Variants in CDK14 observed in about 807,000 individuals in gnomAD.
CDK14 encodes cyclin dependent kinase 14, also known as cyclin-dependent kinase 14.
CDK14 carries 34 observed loss-of-function variants against 60.7 expected under a neutral mutation model. That is an observed-to-expected ratio of 0.56 (90% CI 0.43 to 0.75). The LOEUF (loss-of-function observed/expected upper bound fraction) is 0.75. CDK14 is among the 30% of genes least tolerant of loss of function. The pLI is 0.00. For missense variants in CDK14, 482 were observed against 564.1 expected, an observed-to-expected ratio of 0.85 and a Z score of 1.47; for synonymous variants, 197 against 203.7, an observed-to-expected ratio of 0.97 and a Z score of 0.28.
chr7:90,995,227 T>C (rs377750979), intron 10 of CDK14, among the ~76,000 whole-genome samples: 1 of 152,190 alleles, frequency 6.6e-6, no homozygotes, highest in East Asian at 1.9e-4. Flanking sequence ...GGAAGCCAGC[T>C]GCCATGTTAC....
chr7:90,765,789 T>G (rs1804532503), intron 4 of CDK14, among the ~76,000 whole-genome samples: 1 of 152,074 alleles, frequency 6.6e-6, no homozygotes, highest in Admixed American at 6.5e-5. Flanking sequence ...TGTTTCAGTT[T>G]TAAACTAAAT....
intron 10 of CDK14, among the ~76,000 whole-genome samples, chr7:90,990,819 A>G (rs955109368): frequency 6.6e-6 from 1 of 152,200 alleles, no homozygotes; most frequent in African/African-American, 2.4e-5. Context: ...TTACTAGATA[A>G]TTTGCTTGCA....
At chr7:91,191,787 A>G (rs899492813) in intron 14 of CDK14, among the ~76,000 whole-genome samples, 1 of 152,060 alleles carries the variant, frequency 6.6e-6, no homozygotes, top group Non-Finnish European at 1.5e-5. Flanking sequence ...TTTGATTTTA[A>G]ACTCTTAATG....
chr7:90,977,781 G>A (rs1263861106), intron 9 of CDK14, among the ~76,000 whole-genome samples: 2 of 152,102 alleles, frequency 1.3e-5, no homozygotes, highest in Admixed American at 6.6e-5. Context: ...GGGAAGGAGG[G>A]TCGTGTTGCT....
intron 2 of CDK14, among the ~76,000 whole-genome samples, chr7:90,704,709 A>T (rs1483047283): frequency 6.6e-6 from 1 of 152,166 alleles, no homozygotes; most frequent in Non-Finnish European, 1.5e-5. Flanking sequence ...GAAAATCTCA[A>T]CATTGCCATG....
chr7:91,141,247 C>T (rs1018104807), intron 14 of CDK14, among the ~76,000 whole-genome samples: 7 of 152,080 alleles, frequency 4.6e-5, no homozygotes, highest in African/African-American at 1.2e-4. Context: ...GTCAGTGTGA[C>T]GTAGTCATGT....
intron 11 of CDK14, among the ~76,000 whole-genome samples, chr7:91,048,858 A>G (rs1797310191): frequency 6.6e-6 from 1 of 151,326 alleles, no homozygotes; most frequent in Non-Finnish European, 1.5e-5. Flanking sequence ...GTTTTTTTAA[A>G]CCTATTTCTA....
At chr7:91,125,217 G>A (rs1052281156) in intron 14 of CDK14, among the ~76,000 whole-genome samples, 2 of 152,108 alleles carry the variant, frequency 1.3e-5, no homozygotes, top group Non-Finnish European at 2.9e-5. Flanking sequence ...GCTTTGTCTG[G>A]GTAGAAATGG....
chr7:91,060,224 C>T (rs1193173669), intron 11 of CDK14, among the ~76,000 whole-genome samples: 3 of 148,652 alleles, frequency 2.0e-5, no homozygotes, highest in African/African-American at 7.5e-5. Flanking sequence ...ATTGCAACCC[C>T]TGCCTTTTTT....
intron 4 of CDK14, among the ~76,000 whole-genome samples, chr7:90,773,802 T>A (rs1257242574): frequency 2.0e-5 from 3 of 151,556 alleles, no homozygotes; most frequent in Non-Finnish European, 2.9e-5. Flanking sequence ...CTGGCATAGG[T>A]CTTCTCTTCT....
At chr7:91,028,587 A>G (rs1400226153) in intron 10 of CDK14, among the ~76,000 whole-genome samples, 1 of 151,908 alleles carries the variant, frequency 6.6e-6, no homozygotes, top group African/African-American at 2.4e-5. Context: ...TCACGCCAAC[A>G]CCTATTTTTT....
chr7:90,623,023 T>C (rs1163386970), intron 2 of CDK14, among the ~76,000 whole-genome samples: 4 of 150,990 alleles, frequency 2.6e-5, no homozygotes, highest in African/African-American at 9.7e-5. Flanking sequence ...ATTCATAGTT[T>C]CCATTATTAA....
intron 10 of CDK14, among the ~76,000 whole-genome samples, chr7:91,010,516 A>G (rs879389588): frequency 1.7e-4 from 26 of 151,928 alleles, no homozygotes; most frequent in Non-Finnish European, 3.8e-4. Context: ...TGCTATTGTA[A>G]ATGGTATTTT....
At chr7:90,920,691 A>G (rs1286488732) in intron 8 of CDK14, among the ~76,000 whole-genome samples, 1 of 152,194 alleles carries the variant, frequency 6.6e-6, no homozygotes, top group Non-Finnish European at 1.5e-5. Context: ...TCGTTTTTGT[A>G]TGCTGTTTTC....
chr7:90,989,631 A>G (rs750222143), intron 10 of CDK14, among the ~76,000 whole-genome samples: 6 of 152,178 alleles, frequency 3.9e-5, no homozygotes, highest in Non-Finnish European at 5.9e-5. Context: ...CAGATGTGAG[A>G]CCCAGCAATA....
At chr7:90,841,208 A>C (rs893414589) in intron 5 of CDK14, among the ~76,000 whole-genome samples, 5 of 152,162 alleles carry the variant, frequency 3.3e-5, no homozygotes, top group Admixed American at 3.3e-4. Flanking sequence ...CATTGCAACT[A>C]TTCTATGTCT....
intron 4 of CDK14, among the ~76,000 whole-genome samples, chr7:90,766,474 T>C (rs1804568702): frequency 6.6e-6 from 1 of 152,218 alleles, no homozygotes; most frequent in African/African-American, 2.4e-5. Context: ...TTTCCCTTAT[T>C]TTACGGGTGA....
intron 4 of CDK14, among the ~76,000 whole-genome samples, chr7:90,761,528 C>A (rs534162437): frequency 6.6e-6 from 1 of 152,056 alleles, no homozygotes; most frequent in Non-Finnish European, 1.5e-5. Context: ...TTTGTTTAAA[C>A]CAGGATGGTA....
At chr7:90,953,792 C>A (rs1794328687) in intron 8 of CDK14, among the ~76,000 whole-genome samples, 2 of 152,152 alleles carry the variant, frequency 1.3e-5, no homozygotes, top group South Asian at 4.1e-4. Flanking sequence ...CAAGTCAGAA[C>A]CTATTTCAGG....
Sources: gnomAD v4.1 joint callset for allele counts (sites outside exome capture counted in the v4.1 genomes callset) on GRCh38, gnomAD v4.1.1 for gene constraint, MANE v1.5 for transcripts, NCBI Gene and HGNC (gene_info 2026-07-23, HGNC 2026-07-21) for gene names.